Variants in ARL15 observed in about 807,000 individuals in gnomAD.
ARL15 encodes the protein ADP-ribosylation factor-like protein 15.
ARL15 carries 19 observed loss-of-function variants against 25.2 expected under a neutral mutation model. The ratio of observed to expected loss-of-function variants is 0.75; its 90% CI spans 0.53 to 1.10. ARL15 has a LOEUF of 1.10. Ranked by LOEUF, ARL15 falls within the 50% of genes least tolerant of loss-of-function variation. The pLI, the probability that ARL15 is intolerant of heterozygous loss-of-function variation, is 0.00. For missense variants in ARL15, 220 were observed against 246.0 expected, an observed-to-expected ratio of 0.89 and a Z score of 0.71; for synonymous variants, 94 against 86.8, an observed-to-expected ratio of 1.08 and a Z score of -0.46.
At chr5:54,065,218 A>C (rs1403712668) in intron 4 of ARL15, among the ~76,000 whole-genome samples, 1 of 152,240 alleles carries the variant, frequency 6.6e-6, no homozygotes, top group African/African-American at 2.4e-5. Flanking sequence ...CTAATCTTTA[A>C]AGTAGGTATT....
At chr5:54,205,415 G>C (rs2112493190) in intron 1 of ARL15, among the ~76,000 whole-genome samples, 1 of 152,134 alleles carries the variant, frequency 6.6e-6, no homozygotes, top group Non-Finnish European at 1.5e-5. Flanking sequence ...ACCCATCAGG[G>C]AATAAAAAGG....
chr5:53,987,840 T>C (rs961002155), intron 4 of ARL15, among the ~76,000 whole-genome samples: 2 of 152,120 alleles, frequency 1.3e-5, no homozygotes, highest in African/African-American at 4.8e-5. Context: ...CGGTGGCTCA[T>C]GCCTGTAATC....
At chr5:54,056,527 G>A (rs747891616) in intron 4 of ARL15, among the ~76,000 whole-genome samples, 2 of 151,226 alleles carry the variant, frequency 1.3e-5, no homozygotes, top group African/African-American at 2.5e-5. Context: ...CTACTCGGGA[G>A]GCTGAGGCAG....
At chr5:53,990,069 A>G (rs2111650883) in intron 4 of ARL15, among the ~76,000 whole-genome samples, 1 of 152,112 alleles carries the variant, frequency 6.6e-6, no homozygotes, top group East Asian at 1.9e-4. Context: ...CCCATTGAAA[A>G]ATTTAAAAAT....
intron 4 of ARL15, among the ~76,000 whole-genome samples, chr5:54,015,975 C>T (rs1300174235): frequency 6.6e-6 from 1 of 152,182 alleles, no homozygotes; most frequent in Non-Finnish European, 1.5e-5. Flanking sequence ...CAGCTCCATT[C>T]CTCACCCTCC....
chr5:53,964,865 A>G lies in ARL15; in HGVS notation c.463-78152T>C, dbSNP rs955641525. On this transcript the variant is annotated intron_variant, in intron 4 of 4. Coordinates refer to ENST00000504924, the MANE Select transcript of ARL15 (RefSeq NM_019087.3). The stretch of plus-strand genomic sequence containing the variant: ...AGGAGTACCTTGTTACAAGTAAAAG[A>G]GCAGTGGATGAAATGTTGGGATAGC... Among the ~76,000 whole-genome samples the G allele has an allele frequency of 2.0e-5, 3 of 152,190 alleles. No individual in the cohort carries two copies. In the South Asian group the frequency reaches 6.2e-4, roughly 31 times the overall value.
At chr5:54,058,590 CTG>C (rs1363442790) in intron 4 of ARL15, among the ~76,000 whole-genome samples, 1 of 152,086 alleles carries the variant, frequency 6.6e-6, no homozygotes. Flanking sequence ...GGAGTGAGCT[CTG>C]GGGAAATCTG....
intron 4 of ARL15, among the ~76,000 whole-genome samples, chr5:54,074,096 T>C (rs73112684): frequency 0.077 from 11,743 of 152,242 alleles, 553 homozygotes; most frequent in Middle Eastern, 0.11. Flanking sequence ...AGCTCACCCA[T>C]TTGGTAATTT....
intron 4 of ARL15, among the ~76,000 whole-genome samples, chr5:54,027,925 T>C (rs190662300): frequency 6.8e-4 from 101 of 148,970 alleles, no homozygotes; most frequent in Non-Finnish European, 1.1e-3. Context: ...TCTTTCTTTC[T>C]TTTTTTTTTG....
intron 4 of ARL15, among the ~76,000 whole-genome samples, chr5:54,039,665 T>C (rs1440025133): frequency 6.6e-6 from 1 of 151,780 alleles, no homozygotes; most frequent in Non-Finnish European, 1.5e-5. Flanking sequence ...TAGATGGGCT[T>C]GGTGGCAGAT....
At position 54,124,291 on chromosome 5, in the gene ARL15, C is replaced by G. The variant is rs147898474; in HGVS notation, c.254-10881G>C. Among the ~76,000 whole-genome samples, 249 of 152,220 alleles carry G rather than the reference C, an allele frequency of 1.6e-3. 2 individuals carry two copies. The highest frequency in any genetic ancestry group is 8.1e-3 in the Admixed American group (124 of 15,290). The stretch of plus-strand genomic sequence containing the variant: ...TCTTCTTATTCTAGACAGGTCGAAA[C>G]AGTTATAGGGCAGCACATATAAAAG... On this transcript the variant is annotated intron_variant, in intron 3 of 4. Coordinates refer to ENST00000504924, the MANE Select transcript of ARL15 (RefSeq NM_019087.3).
chr5:53,886,796 G>A, intron 4 of ARL15, 83 bp from the exon 5 acceptor site: 2 of 1,335,742 alleles, frequency 1.5e-6, no homozygotes, highest in South Asian at 2.8e-5. Flanking sequence ...GATAAAGTAG[G>A]GGAATTTCGA....
intron 1 of ARL15, among the ~76,000 whole-genome samples, chr5:54,177,295 G>T (rs1050638156): frequency 6.6e-6 from 1 of 152,200 alleles, no homozygotes; most frequent in African/African-American, 2.4e-5. Flanking sequence ...AGAATCACCA[G>T]TAATAACTGA....
chr5:53,976,373 G>A (rs1444359927), intron 4 of ARL15, among the ~76,000 whole-genome samples: 4 of 152,192 alleles, frequency 2.6e-5, no homozygotes, highest in Admixed American at 2.6e-4. Flanking sequence ...CATTTCACTG[G>A]GATGTCACAT....
rs1752963766 is a variant in ARL15, at chr5:54,118,174, C to T, written c.254-4764G>A. Among the ~76,000 whole-genome samples the T allele has an allele frequency of 2.0e-5, 3 of 152,160 alleles. No individual in the cohort carries two copies. The South Asian group carries it at 6.2e-4, about 32-fold the overall frequency. On this transcript the variant is annotated intron_variant, in intron 3 of 4. Coordinates refer to ENST00000504924, the MANE Select transcript of ARL15 (RefSeq NM_019087.3). Reference sequence around the variant, plus strand: ...ACTACAACTGATTAAGAAACAACCACCTGTTGAAGAATTTCAGTATAGTAT... The same window carrying T: ...ACTACAACTGATTAAGAAACAACCATCTGTTGAAGAATTTCAGTATAGTAT...
chr5:54,144,165 A>T (rs1307764599), intron 3 of ARL15, among the ~76,000 whole-genome samples: 1 of 151,934 alleles, frequency 6.6e-6, no homozygotes, highest in Non-Finnish European at 1.5e-5. Context: ...TTTCTTATTA[A>T]TTATATTTGG....
At chr5:54,252,378 A>G (rs1457609063) in intron 1 of ARL15, among the ~76,000 whole-genome samples, 1 of 152,220 alleles carries the variant, frequency 6.6e-6, no homozygotes, top group Non-Finnish European at 1.5e-5. Context: ...TCTGAAGTCC[A>G]GGTTTTAGAT....
At position 54,245,876 on chromosome 5, in the gene ARL15, C is replaced by G. The variant is rs115987286; in HGVS notation, c.48+64556G>C. Among the ~76,000 whole-genome samples, 504 of 152,306 alleles carry G rather than the reference C, an allele frequency of 3.3e-3. 5 individuals carry two copies. Among genetic ancestry groups the G allele is most frequent in the African/African-American group, 0.012 (491 of 41,562 alleles). On this transcript the variant is annotated intron_variant, in intron 1 of 4. Coordinates refer to ENST00000504924, the MANE Select transcript of ARL15 (RefSeq NM_019087.3). ...GTGCTGAGATTACGGGCACGAGCCA[C>G]TGTGCCTGGCCTAGGATGTGGACTT...
At chr5:54,193,282 T>G (rs1488881551) in intron 1 of ARL15, among the ~76,000 whole-genome samples, 7 of 152,172 alleles carry the variant, frequency 4.6e-5, no homozygotes, top group Non-Finnish European at 7.3e-5. Context: ...TCTCTCACAA[T>G]GTCCAAAATT....
Sources: allele counts gnomAD v4.1 joint callset (sites outside exome capture counted in the v4.1 genomes callset), GRCh38; gene constraint gnomAD v4.1.1; transcripts MANE v1.5; gene names NCBI Gene and HGNC (gene_info 2026-07-23, HGNC 2026-07-21).